Variants in NAALADL2 observed in about 807,000 individuals in gnomAD.
The protein encoded by NAALADL2 is N-acetylated alpha-linked acidic dipeptidase like 2, also known as inactive N-acetylated-alpha-linked acidic dipeptidase-like protein 2.
Under a neutral mutation model 87.2 loss-of-function variants are expected in NAALADL2, and 76 were observed. That is an observed-to-expected ratio of 0.87 (90% CI 0.72 to 1.05). NAALADL2 has a LOEUF of 1.05. NAALADL2 is among the 50% of genes least tolerant of loss of function. The probability of loss-of-function intolerance (pLI) is 0.00; values close to 1 mark genes in which losing one functional copy is unlikely to be tolerated. For missense variants in NAALADL2, 1,089 were observed against 945.8 expected, an observed-to-expected ratio of 1.15 and a Z score of -1.99; for synonymous variants, 354 against 331.0, an observed-to-expected ratio of 1.07 and a Z score of -0.75.
chr3:174,659,925 A>C lies in NAALADL2; in HGVS notation c.-114-77716A>C, dbSNP rs184446280. ...TTAGTCCTGCCCTCACCTCTCTTCG[A>C]GTGTGTCCTTTGTTTCCTTTTGGGA... On this transcript the variant is annotated intron_variant, in intron 2 of 3. Transcript: ENST00000434257. 1.9e-3 allele frequency among the ~76,000 whole-genome samples: 294 copies of C among 152,160 alleles called. 3 individuals carry two copies. Among genetic ancestry groups the C allele is most frequent in the African/African-American group, 6.7e-3 (277 of 41,508 alleles).
chr3:174,629,118 C>A (rs1721871577), intron 2 of NAALADL2, among the ~76,000 whole-genome samples: 1 of 152,134 alleles, frequency 6.6e-6, no homozygotes, highest in Middle Eastern at 3.2e-3. Flanking sequence ...TTCTTACTAT[C>A]ACAGAAACAG....
chr3:175,182,872 A>T (rs1224617107), intron 2 of NAALADL2, among the ~76,000 whole-genome samples: 1 of 151,912 alleles, frequency 6.6e-6, no homozygotes, highest in East Asian at 1.9e-4. Flanking sequence ...AATTGCAAGG[A>T]TCATATCCAT....
intron 4 of NAALADL2, among the ~76,000 whole-genome samples, chr3:175,301,237 C>T (rs1213427844): frequency 2.0e-5 from 3 of 152,094 alleles, no homozygotes; most frequent in African/African-American, 7.2e-5. Flanking sequence ...CTGAACACTG[C>T]TTTAGCTGTG....
chr3:175,314,640 GCGTTTTCTA>G (rs1758817330), intron 4 of NAALADL2, among the ~76,000 whole-genome samples: 1 of 95,076 alleles, frequency 1.1e-5, no homozygotes, highest in Admixed American at 1.3e-4. Flanking sequence ...AGTAAAATTA[GCGTTTTCTA>G]GTATATATAG....
chr3:175,587,640 T>G (rs751206398), intron 10 of NAALADL2, among the ~76,000 whole-genome samples: 21 of 152,140 alleles, frequency 1.4e-4, no homozygotes, highest in African/African-American at 1.9e-4. Context: ...GGGTTAAAAT[T>G]TAATGTTCTT....
chr3:175,086,858 GATT>G (rs1302323201), intron 1 of NAALADL2, among the ~76,000 whole-genome samples: 3 of 152,086 alleles, frequency 2.0e-5, no homozygotes, highest in African/African-American at 7.2e-5. Context: ...CTTATTGCTA[GATT>G]ATTTATCATC....
rs1405258176 is a variant in NAALADL2 at position 175,712,073 on chromosome 3, T to C, written c.1897-25233T>C. The stretch of plus-strand genomic sequence containing the variant: ...ATGATAAGTTATATAAGATATTGTA[T>C]TGAGATATTATTTAAATTTATAGAG... On this transcript the variant is annotated intron_variant, in intron 11 of 13. Coordinates refer to ENST00000454872, the MANE Select transcript of NAALADL2 (RefSeq NM_207015.3). Among the ~76,000 whole-genome samples the C allele has an allele frequency of 2.6e-5, 4 of 151,936 alleles. No homozygotes were observed. In the East Asian group the frequency reaches 7.7e-4, roughly 29 times the overall value.
intron 1 of NAALADL2, among the ~76,000 whole-genome samples, chr3:174,517,009 C>T (rs536763173): frequency 6.6e-6 from 1 of 151,662 alleles, no homozygotes; most frequent in Admixed American, 6.6e-5. Flanking sequence ...TAATATTAGC[C>T]AGGAATAAAT....
intron 5 of NAALADL2, among the ~76,000 whole-genome samples, chr3:175,414,300 G>T (rs1714181464): frequency 6.6e-6 from 1 of 152,106 alleles, no homozygotes; most frequent in African/African-American, 2.4e-5. Context: ...AAGGCTTTAT[G>T]AATATTAGAT....
chr3:175,465,105 A>G (rs1191574094), intron 7 of NAALADL2, among the ~76,000 whole-genome samples: 1 of 152,106 alleles, frequency 6.6e-6, no homozygotes, highest in East Asian at 1.9e-4. Context: ...CTATTTAATT[A>G]GCCGGGCATG....
intron 9 of NAALADL2, among the ~76,000 whole-genome samples, chr3:175,511,298 G>T (rs1731115703): frequency 6.6e-6 from 1 of 152,164 alleles, no homozygotes; most frequent in African/African-American, 2.4e-5. Context: ...TAGTACCTCA[G>T]AATATGATTC....
intron 13 of NAALADL2, among the ~76,000 whole-genome samples, chr3:175,756,380 T>A (rs1258011699): frequency 2.6e-5 from 4 of 152,162 alleles, no homozygotes; most frequent in Non-Finnish European, 5.9e-5. Context: ...ATTCATATGT[T>A]TATCACAGGA....
chr3:175,663,851 CATA>C (rs1237422668), intron 11 of NAALADL2, among the ~76,000 whole-genome samples: 3 of 151,774 alleles, frequency 2.0e-5, no homozygotes, highest in African/African-American at 7.2e-5. Flanking sequence ...TCCTAGAAAA[CATA>C]ATAAAATATT....
intron 5 of NAALADL2, among the ~76,000 whole-genome samples, chr3:175,332,343 C>T (rs952755408): frequency 5.9e-5 from 9 of 152,118 alleles, no homozygotes; most frequent in East Asian, 5.8e-4. Context: ...ATATAGTAAA[C>T]GAAACAATAC....
At chr3:174,880,166 T>C (rs76012199) in intron 1 of NAALADL2, among the ~76,000 whole-genome samples, 31 of 152,156 alleles carry the variant, frequency 2.0e-4, no homozygotes, top group African/African-American at 7.5e-4. Context: ...TCCTGGCCAT[T>C]CTTGAAACCC....
rs1243318580 is a variant in NAALADL2 at position 174,611,544 on chromosome 3, C to T, written c.-115+60907C>T. On this transcript the variant is annotated intron_variant, in intron 2 of 3. Transcript: ENST00000434257. Reference sequence around the variant, plus strand: ...TGTTACAATAATCTGGTTTTCTGTGCACTTACTATTGCCCATGAGTTTTGT... The same window carrying T: ...TGTTACAATAATCTGGTTTTCTGTGTACTTACTATTGCCCATGAGTTTTGT... Among the ~76,000 whole-genome samples the T allele has an allele frequency of 2.0e-5, 3 of 151,996 alleles. No individual in the cohort carries two copies. In the East Asian group the frequency reaches 5.8e-4, roughly 29 times the overall value.
intron 11 of NAALADL2, among the ~76,000 whole-genome samples, chr3:175,645,671 A>G (rs1729909447): frequency 6.6e-6 from 1 of 152,122 alleles, no homozygotes; most frequent in African/African-American, 2.4e-5. Context: ...AAAGAAGGCC[A>G]TGTCACTGGA....
chr3:174,589,146 G>C (rs1169086813), intron 2 of NAALADL2, among the ~76,000 whole-genome samples: 1 of 152,162 alleles, frequency 6.6e-6, no homozygotes, highest in Non-Finnish European at 1.5e-5. Flanking sequence ...AGCAGCGAGC[G>C]AGGCTCCTTG....
intron 3 of NAALADL2, among the ~76,000 whole-genome samples, chr3:174,798,266 T>G (rs1384313055): frequency 1.3e-5 from 2 of 152,220 alleles, no homozygotes; most frequent in Admixed American, 1.3e-4. Context: ...GTAGTTTTGT[T>G]GCTGTTGTTA....
Sources: allele counts gnomAD v4.1 joint callset (sites outside exome capture counted in the v4.1 genomes callset), GRCh38; gene constraint gnomAD v4.1.1; transcripts MANE v1.5; gene names NCBI Gene and HGNC (gene_info 2026-07-23, HGNC 2026-07-21).